The following GREB1L variants were observed in gnomAD, a reference collection of about 807,000 sequenced individuals.
GREB1L encodes GREB1 like retinoic acid receptor coactivator.
Under a neutral mutation model 200.8 loss-of-function variants are expected in GREB1L, and 17 were observed. That is an observed-to-expected ratio of 0.08 (90% CI 0.06 to 0.13). GREB1L has a LOEUF of 0.13. Ranked by LOEUF, GREB1L falls within the 10% of genes least tolerant of loss-of-function variation. The pLI is 1.00. For missense variants in GREB1L, 1,657 were observed against 2,367.7 expected (o/e 0.70, Z 6.23); for synonymous variants, 789 against 893.0 (o/e 0.88, Z 2.08).
intron 4 of GREB1L, among the ~76,000 whole-genome samples, chr18:21,389,131 G>A (rs1020749187): frequency 2.6e-5 from 4 of 152,108 alleles, no homozygotes; most frequent in Middle Eastern, 3.4e-3. Flanking sequence ...AAATTCTACT[G>A]CCTGGGAATT....
chr18:21,459,265 T>C (rs2034921534), intron 15 of GREB1L, among the ~76,000 whole-genome samples: 1 of 150,874 alleles, frequency 6.6e-6, no homozygotes, highest in African/African-American at 2.4e-5. Flanking sequence ...TTCTTTTCTT[T>C]TTCTTTTTCT....
At chr18:21,389,351 T>TTC (rs10686798) in intron 4 of GREB1L, among the ~76,000 whole-genome samples, 1 of 145,558 alleles carries the variant, frequency 6.9e-6, no homozygotes, top group African/African-American at 2.6e-5. Flanking sequence ...TTTTTTTTTT[T>TTC]CATCAAATAG....
At chr18:21,308,724 T>C (rs544388422) in intron 1 of GREB1L, among the ~76,000 whole-genome samples, 1 of 152,362 alleles carries the variant, frequency 6.6e-6, no homozygotes, top group Non-Finnish European at 1.5e-5. Context: ...TTGTCAGTGC[T>C]TTGTGGCCCT....
At chr18:21,290,215 G>A (rs1172073645) in intron 1 of GREB1L, among the ~76,000 whole-genome samples, 1 of 152,136 alleles carries the variant, frequency 6.6e-6, no homozygotes, top group Admixed American at 6.5e-5. Context: ...TCGCCCTCTA[G>A]ATGTAGCAAA....
chr18:21,250,376 T>C (rs1040019906), intron 1 of GREB1L, among the ~76,000 whole-genome samples: 1 of 152,148 alleles, frequency 6.6e-6, no homozygotes, highest in Non-Finnish European at 1.5e-5. Context: ...GGATTATTGA[T>C]CACTAGACCC....
At chr18:21,389,317 C>T (rs2040685591) in intron 4 of GREB1L, among the ~76,000 whole-genome samples, 1 of 139,702 alleles carries the variant, frequency 7.2e-6, no homozygotes, top group East Asian at 2.1e-4. Flanking sequence ...TACAAACCCC[C>T]ATCATTATGG....
intron 7 of GREB1L, among the ~76,000 whole-genome samples, chr18:21,418,964 A>AT (rs1437753861): frequency 6.6e-6 from 1 of 152,220 alleles, no homozygotes; most frequent in Non-Finnish European, 1.5e-5. Context: ...GTCCCATAAG[A>AT]TTATAATACT....
chr18:21,253,874 T>C (rs1306261287), intron 1 of GREB1L, among the ~76,000 whole-genome samples: 2 of 148,476 alleles, frequency 1.3e-5, no homozygotes, highest in Admixed American at 6.8e-5. Context: ...TCTTTCTGTG[T>C]CACCTAGGCT....
chr18:21,477,289 C>G lies in GREB1L; in HGVS notation c.2489C>G (p.Thr830Ser), dbSNP rs1351390506. 6.4e-7 allele frequency: 1 copy of G among 1,551,734 alleles called. No individual in the cohort carries two copies. The highest frequency in any genetic ancestry group is 2.0e-5 in the Admixed American group (1 of 51,008). ...LVLQVSSFPY[T>S]LQTQQSRISS... ...CTCCAGGTCAGCTCCTTCCCATACA[C>G]TCTGCAGACCCAACAGTCCCGCATT... is the stretch of plus-strand genomic sequence containing the variant. The change falls in exon 17 of 33, where the codon ACT (threonine) becomes AGT (serine). Residue 830 changes from threonine to serine, a missense_variant. Transcript: ENST00000424526.
At chr18:21,410,805 A>G (rs1474160215) in intron 7 of GREB1L, among the ~76,000 whole-genome samples, 1 of 151,944 alleles carries the variant, frequency 6.6e-6, no homozygotes, top group Non-Finnish European at 1.5e-5. Flanking sequence ...AGTATCAAGA[A>G]TATATAAAGA....
chr18:21,282,546 A>C (rs1387191405), intron 1 of GREB1L, among the ~76,000 whole-genome samples: 1 of 152,124 alleles, frequency 6.6e-6, no homozygotes, highest in Non-Finnish European at 1.5e-5. Flanking sequence ...CATATGCTAC[A>C]TAGTTATTGT....
rs2037652847 is a variant in GREB1L, at chr18:21,524,541, TG to T, written c.*1721del. On this transcript the variant is annotated 3_prime_UTR_variant, in exon 33 of 33. Coordinates refer to ENST00000424526, the MANE Select transcript of GREB1L (RefSeq NM_001142966.3). Reference sequence around the variant, plus strand: ...GAATGTATTTCACTTGTTCCTGTTTTGTTGAAAGGGCCTAATGCAAATAATA... The same window carrying T: ...GAATGTATTTCACTTGTTCCTGTTTTTTGAAAGGGCCTAATGCAAATAATA... The T allele has an allele frequency of 6.6e-6, 1 of 152,162 alleles. No homozygotes were observed. The highest frequency in any genetic ancestry group is 2.4e-5 in the African/African-American group (1 of 41,434). 9.4% of individuals were successfully genotyped at this position (152,162 alleles called of 1,614,324 possible).
chr18:21,434,497 A>ATGTGTGTG (rs1236096017), intron 7 of GREB1L, among the ~76,000 whole-genome samples: 1 of 122,418 alleles, frequency 8.2e-6, no homozygotes, highest in African/African-American at 3.1e-5. Context: ...ATATATATAT[A>ATGTGTGTG]TATGTGTGTG....
At chr18:21,313,417 C>T (rs2038822142) in intron 1 of GREB1L, among the ~76,000 whole-genome samples, 2 of 152,220 alleles carry the variant, frequency 1.3e-5, no homozygotes, top group South Asian at 4.1e-4. Flanking sequence ...CTCCTGTTAC[C>T]TCATTTAATC....
chr18:21,297,192 A>C (rs1234331252), intron 1 of GREB1L, among the ~76,000 whole-genome samples: 1 of 152,130 alleles, frequency 6.6e-6, no homozygotes, highest in Non-Finnish European at 1.5e-5. Context: ...TATACACATT[A>C]AAGTTTGAGA....
At chr18:21,314,678 A>G (rs1403006590) in intron 1 of GREB1L, among the ~76,000 whole-genome samples, 9 of 152,242 alleles carry the variant, frequency 5.9e-5, no homozygotes, top group Non-Finnish European at 8.8e-5. Context: ...GCCAGACAGT[A>G]CATATTTTAG....
chr18:21,409,338 G>A (rs2030680118), intron 7 of GREB1L, among the ~76,000 whole-genome samples: 1 of 152,206 alleles, frequency 6.6e-6, no homozygotes, highest in African/African-American at 2.4e-5. Context: ...ATTTATAGAG[G>A]AAGGAAGTAG....
chr18:21,480,264 T>C (rs1452266498), intron 17 of GREB1L, among the ~76,000 whole-genome samples: 2 of 152,018 alleles, frequency 1.3e-5, no homozygotes, highest in Non-Finnish European at 2.9e-5. Context: ...GGCTGGAGAA[T>C]TGCTTGAACC....
chr18:21,462,993 G>C (rs1160962256), intron 15 of GREB1L, among the ~76,000 whole-genome samples: 1 of 152,072 alleles, frequency 6.6e-6, no homozygotes, highest in Non-Finnish European at 1.5e-5. Context: ...TTGTTAATGT[G>C]ACATATCCTA....
Sources: gnomAD v4.1 joint callset for allele counts (sites outside exome capture counted in the v4.1 genomes callset) on GRCh38, gnomAD v4.1.1 for gene constraint, MANE v1.5 for transcripts, NCBI Gene and HGNC (gene_info 2026-07-23, HGNC 2026-07-21) for gene names.